The following PDGFC variants were observed in gnomAD, a reference collection of about 807,000 sequenced individuals.
The protein encoded by PDGFC is platelet-derived growth factor C.
Under a neutral mutation model 35.5 loss-of-function variants are expected in PDGFC, and 12 were observed. The ratio of observed to expected loss-of-function variants is 0.34; its 90% CI spans 0.22 to 0.55. The LOEUF is 0.55. PDGFC is among the 20% of genes least tolerant of loss of function. The pLI, the probability that PDGFC is intolerant of heterozygous loss-of-function variation, is 0.91. For missense variants in PDGFC, 322 were observed against 412.4 expected (o/e 0.78, Z 1.90); for synonymous variants, 159 against 148.8 (o/e 1.07, Z -0.50).
intron 1 of PDGFC, among the ~76,000 whole-genome samples, chr4:156,866,778 T>G (rs897954727): frequency 7.0e-6 from 1 of 143,120 alleles, no homozygotes; most frequent in African/African-American, 2.7e-5. Flanking sequence ...ATTTTTTGCT[T>G]AACATTAATT....
chr4:156,932,856 C>A (rs1004955488), intron 1 of PDGFC, among the ~76,000 whole-genome samples: 1 of 151,768 alleles, frequency 6.6e-6, no homozygotes, highest in Non-Finnish European at 1.5e-5. Context: ...TGTAACTAAC[C>A]TGCACGTTGT....
rs1173917788 is a variant in PDGFC at position 156,971,195 on chromosome 4, A to G, written c.-292T>C. 3 of 311,334 alleles carry G rather than the reference A, an allele frequency of 9.6e-6. No homozygotes were observed. Among genetic ancestry groups the G allele is most frequent in the African/African-American group, 7.0e-5 (3 of 42,706 alleles). The allele number at this position is 311,334 out of a possible 1,614,324, so 19.3% of individuals were successfully genotyped here. A position where few individuals can be genotyped will look rare whatever the true frequency, so the allele number is the denominator to read the frequency against. On this transcript the variant is annotated 5_prime_UTR_variant, in exon 1 of 6. Transcript: ENST00000502773. ...TGGCGAAGTGGTGGGGGTGGGGGTG[A>G]AGGCGAGGGAGGAATGAGGGGGTGG...
intron 2 of PDGFC, among the ~76,000 whole-genome samples, chr4:156,849,909 A>G (rs2111080643): frequency 6.6e-6 from 1 of 152,176 alleles, no homozygotes; most frequent in African/African-American, 2.4e-5. Flanking sequence ...GCACAACTAC[A>G]GTCCTTTATA....
chr4:156,880,054 G>T (rs1446718497), intron 1 of PDGFC, among the ~76,000 whole-genome samples: 1 of 152,144 alleles, frequency 6.6e-6, no homozygotes, highest in Admixed American at 6.5e-5. Flanking sequence ...TAACAAAAAA[G>T]GACAAAGTGA....
chr4:156,812,227 T>G (rs926121540), intron 2 of PDGFC, among the ~76,000 whole-genome samples: 1 of 152,074 alleles, frequency 6.6e-6, no homozygotes, highest in Non-Finnish European at 1.5e-5. Flanking sequence ...CATATTCTTA[T>G]TAGTCTATAT....
chr4:156,894,977 A>T (rs1365306673), intron 1 of PDGFC, among the ~76,000 whole-genome samples: 1 of 152,206 alleles, frequency 6.6e-6, no homozygotes, highest in African/African-American at 2.4e-5. Context: ...ATTAAATCCA[A>T]CTATGAAGTG....
chr4:156,903,125 G>GTGTGTGTGTGTGT (rs1553975812), intron 1 of PDGFC, among the ~76,000 whole-genome samples: 1 of 150,622 alleles, frequency 6.6e-6, no homozygotes, highest in Non-Finnish European at 1.5e-5. Flanking sequence ...GTGTGTGTGT[G>GTGTGTGTGTGTGT]TGTGTGTATA....
At chr4:156,911,894 CAT>C (rs1731048500) in intron 1 of PDGFC, among the ~76,000 whole-genome samples, 1 of 152,040 alleles carries the variant, frequency 6.6e-6, no homozygotes, top group Non-Finnish European at 1.5e-5. Flanking sequence ...TTATGATTTA[CAT>C]ATGATAGTAT....
chr4:156,945,845 C>T (rs1414397594), intron 1 of PDGFC, among the ~76,000 whole-genome samples: 1 of 152,018 alleles, frequency 6.6e-6, no homozygotes, highest in Non-Finnish European at 1.5e-5. Flanking sequence ...CTCATGGGCC[C>T]AATCTGACTC....
intron 1 of PDGFC, among the ~76,000 whole-genome samples, chr4:156,916,981 A>G (rs1731168341): frequency 6.6e-6 from 1 of 152,208 alleles, no homozygotes; most frequent in Non-Finnish European, 1.5e-5. Flanking sequence ...GGTTCTGTGA[A>G]CCAGCTGCCC....
intron 1 of PDGFC, among the ~76,000 whole-genome samples, chr4:156,862,493 A>G (rs1729736255): frequency 1.3e-5 from 2 of 152,158 alleles, no homozygotes; most frequent in Non-Finnish European, 2.9e-5. Context: ...TTTTAATTCA[A>G]TGAAATATAT....
chr4:156,843,357 G>A (rs1018789110), intron 2 of PDGFC, among the ~76,000 whole-genome samples: 19 of 152,170 alleles, frequency 1.2e-4, no homozygotes, highest in African/African-American at 4.6e-4. Flanking sequence ...TGCTTTATAA[G>A]CCACCCAGTT....
At chr4:156,907,851 A>ACTGT (rs929339403) in intron 1 of PDGFC, among the ~76,000 whole-genome samples, 8 of 152,052 alleles carry the variant, frequency 5.3e-5, no homozygotes, top group African/African-American at 1.9e-4. Flanking sequence ...AGTCCTTCCT[A>ACTGT]CTGTCTCCTC....
chr4:156,934,834 T>C (rs542253793), intron 1 of PDGFC, among the ~76,000 whole-genome samples: 2 of 152,278 alleles, frequency 1.3e-5, no homozygotes, highest in South Asian at 4.1e-4. Context: ...ATCAGGACCA[T>C]CAATATCACT....
chr4:156,961,298 C>T (rs1732337585), intron 1 of PDGFC, among the ~76,000 whole-genome samples: 1 of 152,090 alleles, frequency 6.6e-6, no homozygotes, highest in African/African-American at 2.4e-5. Context: ...AGCAAAATAA[C>T]TGCCAGAAAC....
intron 1 of PDGFC, among the ~76,000 whole-genome samples, chr4:156,929,060 A>C (rs1318629226): frequency 6.6e-6 from 1 of 152,238 alleles, no homozygotes; most frequent in Non-Finnish European, 1.5e-5. Context: ...GGGGCAATGT[A>C]GGAGGGTCAG....
intron 1 of PDGFC, among the ~76,000 whole-genome samples, chr4:156,957,020 T>TTTTATGGCCTTTCCATAAA (rs1732229184): frequency 6.6e-6 from 1 of 152,006 alleles, no homozygotes. Context: ...ATCCCTCGCT[T>TTTTATGGCCTTTCCATAAA]GGTCAAAAAT....
intron 1 of PDGFC, among the ~76,000 whole-genome samples, chr4:156,873,616 C>T (rs1730038307): frequency 6.6e-6 from 1 of 151,972 alleles, no homozygotes; most frequent in South Asian, 2.1e-4. Context: ...AAAATATTTA[C>T]TGAATAATAG....
At chr4:156,818,041 A>C (rs1732140932) in intron 2 of PDGFC, among the ~76,000 whole-genome samples, 1 of 147,842 alleles carries the variant, frequency 6.8e-6, no homozygotes, top group Admixed American at 6.8e-5. Flanking sequence ...CCTCGGAGAC[A>C]AGAGCAATAC....
Sources: allele counts gnomAD v4.1 joint callset (sites outside exome capture counted in the v4.1 genomes callset), GRCh38; gene constraint gnomAD v4.1.1; transcripts MANE v1.5; gene names NCBI Gene and HGNC (gene_info 2026-07-23, HGNC 2026-07-21).